The following LEF1 variants were observed in gnomAD, a reference collection of about 807,000 sequenced individuals.
LEF1 encodes the protein lymphoid enhancer binding factor 1, also known as lymphoid enhancer-binding factor 1.
In LEF1, 14 loss-of-function variants were observed where a neutral mutation model predicts 51.2. That is an observed-to-expected ratio of 0.27 (90% CI 0.18 to 0.43). The LOEUF is 0.43. Ranked by LOEUF, LEF1 falls within the 20% of genes least tolerant of loss-of-function variation. LEF1 has a pLI of 1.00. For synonymous variants in LEF1, 185 were observed against 183.2 expected (o/e 1.01, Z -0.08); for missense variants, 386 against 512.0 (o/e 0.75, Z 2.37).
chr4:108,106,929 G>A (rs992756666), intron 3 of LEF1, among the ~76,000 whole-genome samples: 1 of 152,140 alleles, frequency 6.6e-6, no homozygotes, highest in Non-Finnish European at 1.5e-5. Context: ...GACACAGGTT[G>A]AAAAATGGGT....
At chr4:108,079,740 C>A in intron 6 of LEF1, 126 bp from the exon 7 acceptor site, 1 of 860,360 alleles carries the variant, frequency 1.2e-6, no homozygotes, top group Non-Finnish European at 1.8e-6. Context: ...CGCACAGAAG[C>A]ATTAACTATA....
At chr4:108,083,271 C>CCATT in intron 5 of LEF1, 85 bp downstream of exon 5, 1 of 909,736 alleles carries the variant, frequency 1.1e-6, no homozygotes, top group Non-Finnish European at 1.9e-6. Flanking sequence ...ACAAGTGTTA[C>CCATT]CATTCATAAA....
chr4:108,053,753 T>C (rs1737154557), intron 11 of LEF1, among the ~76,000 whole-genome samples: 1 of 152,206 alleles, frequency 6.6e-6, no homozygotes, highest in South Asian at 2.1e-4. Context: ...CGCTAGATCC[T>C]TCCTACCACG....
rs188886427 is a variant in LEF1 at position 108,106,214 on chromosome 4, G to A, written c.415-16957C>T. On this transcript the variant is annotated intron_variant, in intron 3 of 11. Coordinates refer to ENST00000265165, the MANE Select transcript of LEF1 (RefSeq NM_016269.5). ...TGCTATCCCAAGGAAGCATGACAAG[G>A]AGACAAAGATAAGTAAAATCTCATC... Among the ~76,000 whole-genome samples the A allele has an allele frequency of 1.8e-4, 28 of 152,332 alleles. No homozygotes were observed. The East Asian group carries it at 5.4e-3, about 29-fold the overall frequency.
At chr4:108,092,925 A>AC (rs1560784119) in intron 3 of LEF1, among the ~76,000 whole-genome samples, 6 of 137,688 alleles carry the variant, frequency 4.4e-5, no homozygotes, top group South Asian at 2.4e-4. Flanking sequence ...TGTAAAAAAA[A>AC]AAAAAAAAAA....
chr4:108,066,921 T>A (rs1738118492), intron 9 of LEF1, among the ~76,000 whole-genome samples: 1 of 152,200 alleles, frequency 6.6e-6, no homozygotes. Context: ...AAATTATAAA[T>A]CTATGTCATG....
intron 3 of LEF1, among the ~76,000 whole-genome samples, chr4:108,129,104 T>C (rs1742715398): frequency 6.6e-6 from 1 of 152,176 alleles, no homozygotes; most frequent in Non-Finnish European, 1.5e-5. Context: ...GCTTCTATTC[T>C]TCCTCAAACT....
At chr4:108,161,761 T>A (rs1745067771) in intron 3 of LEF1, among the ~76,000 whole-genome samples, 1 of 152,204 alleles carries the variant, frequency 6.6e-6, no homozygotes, top group African/African-American at 2.4e-5. Flanking sequence ...CTGATCTTTT[T>A]AAGAAATAAA....
chr4:108,139,921 C>A (rs545816745), intron 3 of LEF1, among the ~76,000 whole-genome samples: 53 of 152,000 alleles, frequency 3.5e-4, no homozygotes, highest in African/African-American at 1.2e-3. Flanking sequence ...CCACAAGAAA[C>A]AGAGGAAAAA....
In LEF1 at chr4:108,168,283, G is replaced by C. The variant is rs1487258781; in HGVS notation, c.-516C>G. ...GTTTGTTTTCCGAGAAAAGAGAGGGGATCTGGGCAGAAGGGCCCCGTTTGC... is the reference window on the plus strand; with the variant it reads ...GTTTGTTTTCCGAGAAAAGAGAGGGCATCTGGGCAGAAGGGCCCCGTTTGC... On this transcript the variant is annotated 5_prime_UTR_variant, in exon 1 of 12. It adds an upstream start codon to the 5' untranslated region. Transcript: ENST00000265165. The surrounding 1 kb of genome is among the most constrained non-coding windows in gnomAD (Gnocchi z 4.6). 6.6e-6 allele frequency: 1 copy of C among 152,602 alleles called. No homozygotes were observed. The highest frequency in any genetic ancestry group is 1.9e-4 in the East Asian group (1 of 5,172). The allele number at this position is 152,602 out of a possible 1,614,324, so 9.5% of individuals were successfully genotyped here.
intron 11 of LEF1, among the ~76,000 whole-genome samples, chr4:108,053,480 A>G (rs1477723528): frequency 6.6e-6 from 1 of 152,208 alleles, no homozygotes; most frequent in African/African-American, 2.4e-5. Flanking sequence ...GAAAGGGGTC[A>G]TTGCCACTCC....
At chr4:108,072,332 C>G (rs566977003) in intron 8 of LEF1, 1 of 152,388 alleles carries the variant, frequency 6.6e-6, no homozygotes, top group South Asian at 2.1e-4. Flanking sequence ...ACACCTGCTG[C>G]TCTTGTTTGA....
intron 2 of LEF1, among the ~76,000 whole-genome samples, chr4:108,164,447 C>G (rs939430440): frequency 6.6e-6 from 1 of 152,108 alleles, no homozygotes; most frequent in African/African-American, 2.4e-5. Flanking sequence ...TAATGGAAAA[C>G]AGATAGGCTG....
chr4:108,122,445 T>C (rs919676474), intron 3 of LEF1, among the ~76,000 whole-genome samples: 16 of 152,174 alleles, frequency 1.1e-4, no homozygotes, highest in Non-Finnish European at 2.2e-4. Context: ...TTCATTAATT[T>C]AGTCAGGTCT....
chr4:108,114,041 A>C (rs1377352706), intron 3 of LEF1, among the ~76,000 whole-genome samples: 1 of 152,178 alleles, frequency 6.6e-6, no homozygotes, highest in Non-Finnish European at 1.5e-5. Context: ...AGAAGTTATG[A>C]TTACTCAAAA....
intron 1 of LEF1, chr4:108,166,351 A>G: frequency 6.6e-7 from 1 of 1,513,226 alleles, no homozygotes; most frequent in Non-Finnish European, 8.8e-7. Flanking sequence ...CCCGCCCTCA[A>G]AACCACACAC....
intron 3 of LEF1, among the ~76,000 whole-genome samples, chr4:108,144,865 CAAAA>C (rs11394687): frequency 2.4e-5 from 1 of 41,926 alleles, no homozygotes; most frequent in East Asian, 8.0e-4. Flanking sequence ...CCCAACCAGC[CAAAA>C]AAAAAAAAAA....
At chr4:108,092,753 G>A (rs1048860067) in intron 3 of LEF1, among the ~76,000 whole-genome samples, 4 of 151,766 alleles carry the variant, frequency 2.6e-5, no homozygotes, top group Non-Finnish European at 4.4e-5. Context: ...ATACATGCCC[G>A]TGTGCATATG....
At position 108,124,953 on chromosome 4, in the gene LEF1, G is replaced by T. The variant is rs548033210; in HGVS notation, c.415-35696C>A. ...CCAACCCGTGGGAGTCATTATTCTT[G>T]ACTGGTTATATCTGAAATGACCTCT... On this transcript the variant is annotated intron_variant, in intron 3 of 11. Transcript: ENST00000265165. Among the ~76,000 whole-genome samples the T allele has an allele frequency of 6.6e-5, 10 of 152,186 alleles. No individual in the cohort carries two copies. In the South Asian group the frequency reaches 2.1e-3, roughly 32 times the overall value.
Sources: allele counts gnomAD v4.1 joint callset (sites outside exome capture counted in the v4.1 genomes callset), GRCh38; gene constraint gnomAD v4.1.1; non-coding constraint Gnocchi (gnomAD v3.1); transcripts MANE v1.5; gene names NCBI Gene and HGNC (gene_info 2026-07-23, HGNC 2026-07-21).